The following ARHGAP8 variants were observed in gnomAD, a reference collection of about 807,000 sequenced individuals.
ARHGAP8 encodes the protein Rho GTPase activating protein 8.
ARHGAP8 carries 62 observed loss-of-function variants against 46.1 expected under a neutral mutation model. The ratio of observed to expected loss-of-function variants is 1.34; its 90% CI spans 1.10 to 1.66. ARHGAP8 has a LOEUF of 1.66. Ranked by LOEUF, ARHGAP8 falls within the 40% of genes most tolerant of loss-of-function variation. ARHGAP8 has a pLI of 0.00. For synonymous variants in ARHGAP8, 375 were observed against 243.1 expected (o/e 1.54, Z -5.05); for missense variants, 923 against 568.4 (o/e 1.62, Z -6.34).
chr22:44,782,687 CTGAG>C (rs1204826285), intron 1 of ARHGAP8, among the ~76,000 whole-genome samples: 1 of 152,210 alleles, frequency 6.6e-6, no homozygotes, highest in Admixed American at 6.5e-5. Context: ...CCTGTTACGG[CTGAG>C]TAATATTTCA....
chr22:44,852,300 A>C (rs922086313), intron 10 of ARHGAP8, among the ~76,000 whole-genome samples: 1 of 151,790 alleles, frequency 6.6e-6, no homozygotes, highest in Non-Finnish European at 1.5e-5. Flanking sequence ...AAGAGTGGAA[A>C]GTCATGGAGC....
chr22:44,813,570 AACT>A (rs1929511428), intron 4 of ARHGAP8, among the ~76,000 whole-genome samples: 1 of 151,690 alleles, frequency 6.6e-6, no homozygotes, highest in Non-Finnish European at 1.5e-5. Context: ...ACCTACATAC[AACT>A]ACACACACAC....
At chr22:44,757,824 T>A (rs1417250996) in intron 1 of ARHGAP8, among the ~76,000 whole-genome samples, 3 of 124,978 alleles carry the variant, frequency 2.4e-5, no homozygotes, top group Non-Finnish European at 5.0e-5. Flanking sequence ...TTTTTTTTTT[T>A]TGTATTTTTA....
chr22:44,758,078 G>A (rs1924827384), intron 1 of ARHGAP8, among the ~76,000 whole-genome samples: 1 of 152,084 alleles, frequency 6.6e-6, no homozygotes, highest in Non-Finnish European at 1.5e-5. Flanking sequence ...CTTCTCCAGG[G>A]ACCCATGGCA....
In ARHGAP8 at chr22:44,849,051, G is replaced by A. The variant is rs772607555; in HGVS notation, c.868G>A (p.Gly290Arg). The A allele has an allele frequency of 5.0e-6, 8 of 1,613,844 alleles. No individual in the cohort carries two copies. Among genetic ancestry groups the A allele is most frequent in the Middle Eastern group, 3.3e-4 (2 of 6,062 alleles). The stretch of plus-strand genomic sequence containing the variant: ...CTTCCAGGCCTACGAGCAGATTCTC[G>A]GGATCACCTGTGCGTAGCTGCCCTG... ...LTFQAYEQILGITCVESSLRV... is the reference protein window; with the variant it reads ...LTFQAYEQILRITCVESSLRV... Residue 290 changes from glycine (G) to arginine (R), a missense_variant, in exon 10 of 12, where the codon GGG (glycine) becomes AGG (arginine). Coordinates refer to ENST00000356099, the MANE Select transcript of ARHGAP8 (RefSeq NM_181335.3).
chr22:44,796,952 G>A (rs572224443), intron 2 of ARHGAP8, among the ~76,000 whole-genome samples: 2 of 152,282 alleles, frequency 1.3e-5, no homozygotes, highest in South Asian at 4.1e-4. Flanking sequence ...GATACAAGCC[G>A]TTGCAGACAT....
intron 1 of ARHGAP8, among the ~76,000 whole-genome samples, chr22:44,764,820 T>C (rs1925427566): frequency 6.6e-6 from 1 of 152,186 alleles, no homozygotes; most frequent in Non-Finnish European, 1.5e-5. Context: ...GCGCATTACG[T>C]GTCCCTGCGA....
Position 44,862,476 on chromosome 22 carries a change from T to C in ARHGAP8, c.1183T>C (p.Trp395Arg), listed in dbSNP as rs775996813. ...ACCTGGGGAGCACGGCCTGGCACCA[T>C]GGGAACAGGGGAGCAGGGCAGCCCC... ...EAPGEHGLAP[W>R]EQGSRAAPLQ... is the part of the protein sequence containing the mutation. The change falls in exon 12 of 12, where the codon TGG becomes CGG. Residue 395 changes from tryptophan to arginine, a missense_variant. Transcript: ENST00000356099. 1.2e-5 allele frequency: 19 copies of C among 1,613,860 alleles called. No homozygotes were observed. The highest frequency in any genetic ancestry group is 1.5e-5 in the Non-Finnish European group (18 of 1,179,884).
chr22:44,809,002 G>C (rs895381842), intron 4 of ARHGAP8: 3 of 413,000 alleles, frequency 7.3e-6, no homozygotes, highest in Non-Finnish European at 1.4e-5. Context: ...ATTTTTTTTT[G>C]TAGAGACGGG....
intron 1 of ARHGAP8, among the ~76,000 whole-genome samples, chr22:44,767,724 T>C (rs1204781275): frequency 6.6e-6 from 1 of 151,466 alleles, no homozygotes; most frequent in Non-Finnish European, 1.5e-5. Flanking sequence ...AATAAAAAAA[T>C]TAGCCGGGCG....
intron 7 of ARHGAP8, among the ~76,000 whole-genome samples, chr22:44,835,977 C>CT (rs1931258166): frequency 6.6e-6 from 1 of 152,126 alleles, no homozygotes; most frequent in African/African-American, 2.4e-5. Flanking sequence ...GGACACTGGC[C>CT]TCCCATAGGC....
intron 10 of ARHGAP8, among the ~76,000 whole-genome samples, chr22:44,858,353 T>C (rs1490912663): frequency 1.4e-5 from 2 of 145,274 alleles, no homozygotes; most frequent in African/African-American, 2.5e-5. Flanking sequence ...TGGTGAATAC[T>C]TGTTGGTTGG....
chr22:44,776,858 C>G (rs754768351), intron 1 of ARHGAP8, among the ~76,000 whole-genome samples: 43 of 152,088 alleles, frequency 2.8e-4, no homozygotes, highest in Non-Finnish European at 5.1e-4. Flanking sequence ...CCTCCTTCCA[C>G]TGGGAGCCTC....
intron 5 of ARHGAP8, among the ~76,000 whole-genome samples, chr22:44,820,115 G>C (rs185106823): frequency 6.6e-6 from 1 of 152,236 alleles, no homozygotes; most frequent in African/African-American, 2.4e-5. Flanking sequence ...TCAGATCCCC[G>C]CAGGTGGTGC....
At chr22:44,802,540 C>T (rs955525058) in intron 3 of ARHGAP8, among the ~76,000 whole-genome samples, 2 of 152,220 alleles carry the variant, frequency 1.3e-5, no homozygotes, top group Non-Finnish European at 2.9e-5. Context: ...CCTCCCTGGG[C>T]CTCTCTCTGG....
chr22:44,780,084 T>G (rs1346607963), intron 1 of ARHGAP8, among the ~76,000 whole-genome samples: 1 of 152,170 alleles, frequency 6.6e-6, no homozygotes, highest in Non-Finnish European at 1.5e-5. Context: ...CTGGCCGGCA[T>G]AGCTAATGTA....
intron 7 of ARHGAP8, among the ~76,000 whole-genome samples, chr22:44,827,335 G>GGTTT (rs1930593486): frequency 2.4e-5 from 1 of 41,716 alleles, no homozygotes. Context: ...TTTGGGTGGT[G>GGTTT]GTTTTTTTTT....
chr22:44,821,235 T>A (rs376585473), intron 5 of ARHGAP8, among the ~76,000 whole-genome samples: 31 of 152,098 alleles, frequency 2.0e-4, no homozygotes, highest in African/African-American at 2.9e-4. Flanking sequence ...ATCGAGACCA[T>A]CCTGGCTAAC....
At chr22:44,797,765 C>T (rs900215602) in intron 2 of ARHGAP8, among the ~76,000 whole-genome samples, 1 of 152,138 alleles carries the variant, frequency 6.6e-6, no homozygotes, top group East Asian at 1.9e-4. Flanking sequence ...CGTGTGTGTG[C>T]GCTCATGCCA....
Sources: allele counts gnomAD v4.1 joint callset (sites outside exome capture counted in the v4.1 genomes callset), GRCh38; gene constraint gnomAD v4.1.1; transcripts MANE v1.5; gene names NCBI Gene and HGNC (gene_info 2026-07-23, HGNC 2026-07-21).